Variants in ATP2B2 observed in about 807,000 individuals in gnomAD.
ATP2B2 encodes the protein ATPase plasma membrane Ca2+ transporting 2, also known as plasma membrane calcium-transporting ATPase 2.
In ATP2B2, 15 loss-of-function variants were observed where a neutral mutation model predicts 120.0. The observed-to-expected ratio is 0.12, with a 90% CI of 0.08 to 0.19. The LOEUF (loss-of-function observed/expected upper bound fraction) is 0.19, where lower values mean the gene tolerates loss of function less well. Among genes scored for constraint, ATP2B2 ranks in the 10% least tolerant of loss-of-function variants. ATP2B2 has a pLI of 1.00. For synonymous variants in ATP2B2, 694 were observed against 700.3 expected, an observed-to-expected ratio of 0.99 and a Z score of 0.14; for missense variants, 1,045 against 1,719.8, an observed-to-expected ratio of 0.61 and a Z score of 6.94.
intron 1 of ATP2B2, among the ~76,000 whole-genome samples, chr3:10,622,430 G>A (rs1419652665): frequency 2.6e-5 from 4 of 152,274 alleles, no homozygotes; most frequent in African/African-American, 9.6e-5. Flanking sequence ...TCTGCATCCA[G>A]GTTTTTCTGT....
chr3:10,422,457 G>A (rs2063013864), intron 2 of ATP2B2, among the ~76,000 whole-genome samples: 1 of 152,180 alleles, frequency 6.6e-6, no homozygotes, highest in Non-Finnish European at 1.5e-5. Context: ...GGTTCCTGAT[G>A]GGCAAGGTGC....
At chr3:10,607,109 A>G (rs529559821) in intron 2 of ATP2B2, among the ~76,000 whole-genome samples, 1 of 152,124 alleles carries the variant, frequency 6.6e-6, no homozygotes, top group African/African-American at 2.4e-5. Context: ...ATCTTTTCCA[A>G]CTTCACACAG....
chr3:10,548,540 T>TATAGCTATCCC (rs1163414908), intron 2 of ATP2B2, among the ~76,000 whole-genome samples: 7 of 152,206 alleles, frequency 4.6e-5, no homozygotes, highest in Non-Finnish European at 8.8e-5. Flanking sequence ...ATAGATAGTG[T>TATAGCTATCCC]ATAGCTATCC....
At chr3:10,566,337 T>C (rs1300073244) in intron 2 of ATP2B2, 2 of 152,252 alleles carry the variant, frequency 1.3e-5, no homozygotes, top group African/African-American at 4.8e-5. Flanking sequence ...CCTTTGTTTC[T>C]ATCCACTGTG....
intron 1 of ATP2B2, among the ~76,000 whole-genome samples, chr3:10,647,270 G>T (rs1249720375): frequency 6.6e-6 from 1 of 152,178 alleles, no homozygotes; most frequent in Non-Finnish European, 1.5e-5. Flanking sequence ...TGGGCTCAGA[G>T]GACTTGGGCA....
intron 5 of ATP2B2, 141 bp from the exon 6 acceptor site, chr3:10,388,543 CTG>C: frequency 7.8e-7 from 1 of 1,280,260 alleles, no homozygotes. Context: ...AAGATTCACA[CTG>C]TGTGTGTGGT....
intron 7 of ATP2B2, among the ~76,000 whole-genome samples, chr3:10,386,018 G>A (rs2061666860): frequency 1.3e-5 from 2 of 152,236 alleles, no homozygotes; most frequent in Non-Finnish European, 2.9e-5. Flanking sequence ...AAAGTGATAT[G>A]AGATGGCTAA....
intron 22 of ATP2B2, among the ~76,000 whole-genome samples, chr3:10,335,748 A>T (rs748765723): frequency 6.6e-6 from 1 of 152,094 alleles, no homozygotes; most frequent in Non-Finnish European, 1.5e-5. Flanking sequence ...TTTCCTGACC[A>T]CATATGACCC....
chr3:10,328,602 C>T lies in ATP2B2; in HGVS notation c.*212G>A, dbSNP rs41291205. The T allele has an allele frequency of 2.0e-3, 1,214 of 608,046 alleles. 2 individuals are homozygous for T. Among genetic ancestry groups the T allele is most frequent in the Non-Finnish European group, 3.0e-3 (1,074 of 353,770 alleles). 37.7% of individuals were successfully genotyped at this position (608,046 alleles called of 1,614,324 possible). On this transcript the variant is annotated 3_prime_UTR_variant, in exon 23 of 23. Coordinates refer to ENST00000360273, the MANE Select transcript of ATP2B2 (RefSeq NM_001001331.4). ...TCCCGTAAGCCCCCAGTGGAGATCC[C>T]GCCCCTTGCCTTGAAGTGAAAAAGA... is the stretch of plus-strand genomic sequence containing the variant.
chr3:10,355,791 C>CTTTGTGTGTGTGTGTGTGTGTGT, intron 14 of ATP2B2, among the ~76,000 whole-genome samples: 1 of 92,538 alleles, frequency 1.1e-5, no homozygotes, highest in Non-Finnish European at 2.2e-5. Context: ...TTGTCCTTTC[C>CTTTGTGTGTGTGTGTGTGTGTGT]GGCCGGGCGC....
At chr3:10,469,898 C>T (rs9310363) in intron 1 of ATP2B2, among the ~76,000 whole-genome samples, 3 of 151,978 alleles carry the variant, frequency 2.0e-5, no homozygotes, top group East Asian at 3.9e-4. Flanking sequence ...CCAGCTCGCG[C>T]CTTGGTTGCC....
At chr3:10,641,631 G>T (rs1160037580) in intron 1 of ATP2B2, among the ~76,000 whole-genome samples, 2 of 152,212 alleles carry the variant, frequency 1.3e-5, no homozygotes, top group Non-Finnish European at 2.9e-5. Context: ...TCTAGAACAA[G>T]AATGGAGATT....
intron 2 of ATP2B2, among the ~76,000 whole-genome samples, chr3:10,606,880 AAC>A (rs147614282): frequency 0.015 from 1,483 of 100,054 alleles, 17 homozygotes; most frequent in African/African-American, 0.015. Context: ...ACGGAGTCTA[AAC>A]ACACACACAC....
intron 21 of ATP2B2, chr3:10,338,622 G>A (rs2060194258): frequency 2.1e-6 from 1 of 485,608 alleles, no homozygotes; most frequent in African/African-American, 2.0e-5. Flanking sequence ...TCAGAGTCAG[G>A]GTACATAGTG....
chr3:10,529,111 C>T (rs985293505), intron 3 of ATP2B2, among the ~76,000 whole-genome samples: 10 of 152,220 alleles, frequency 6.6e-5, no homozygotes, highest in African/African-American at 2.4e-4. Flanking sequence ...GACTCAAGAG[C>T]AGGTGTTATC....
chr3:10,660,710 T>A (rs1229160988), intron 1 of ATP2B2, among the ~76,000 whole-genome samples: 1 of 152,130 alleles, frequency 6.6e-6, no homozygotes, highest in Non-Finnish European at 1.5e-5. Context: ...ACTATTCCAA[T>A]CAATAGAAAA....
chr3:10,421,556 T>G (rs1296683571), intron 2 of ATP2B2, among the ~76,000 whole-genome samples: 1 of 152,118 alleles, frequency 6.6e-6, no homozygotes, highest in Non-Finnish European at 1.5e-5. Context: ...AAAAGGAGAC[T>G]GGAAGAGGAG....
intron 7 of ATP2B2, among the ~76,000 whole-genome samples, chr3:10,385,877 G>T (rs2061663352): frequency 6.6e-6 from 1 of 152,186 alleles, no homozygotes; most frequent in African/African-American, 2.4e-5. Flanking sequence ...TTCCTTAACT[G>T]GCATTCCAGA....
At chr3:10,512,684 G>A (rs772643213) in intron 3 of ATP2B2, among the ~76,000 whole-genome samples, 5 of 152,176 alleles carry the variant, frequency 3.3e-5, no homozygotes, top group African/African-American at 7.2e-5. Flanking sequence ...GAGGGGCTGC[G>A]GGCTCACTCC....
Sources: allele counts gnomAD v4.1 joint callset (sites outside exome capture counted in the v4.1 genomes callset), GRCh38; gene constraint gnomAD v4.1.1; transcripts MANE v1.5; gene names NCBI Gene and HGNC (gene_info 2026-07-23, HGNC 2026-07-21).